Variants in CD47 observed in about 807,000 individuals in gnomAD.
CD47 encodes the protein CD47 molecule, also known as leukocyte surface antigen CD47.
CD47 carries 11 observed loss-of-function variants against 44.6 expected under a neutral mutation model. The observed-to-expected ratio is 0.25, with a 90% confidence interval of 0.16 to 0.41. The LOEUF (loss-of-function observed/expected upper bound fraction) is 0.41. CD47 is among the 10% of genes least tolerant of loss of function. The pLI is 1.00. For missense variants in CD47, 306 were observed against 386.7 expected, an observed-to-expected ratio of 0.79 and a Z score of 1.75; for synonymous variants, 140 against 136.3, an observed-to-expected ratio of 1.03 and a Z score of -0.19.
intron 1 of CD47, among the ~76,000 whole-genome samples, chr3:108,090,154 A>C (rs1196776847): frequency 6.6e-6 from 1 of 152,200 alleles, no homozygotes; most frequent in African/African-American, 2.4e-5. Flanking sequence ...GAAAAACTTC[A>C]ACGTACAATT....
chr3:108,062,085 T>A (rs75869932), intron 3 of CD47, among the ~76,000 whole-genome samples: 5,751 of 152,180 alleles, frequency 0.038, 129 homozygotes, highest in African/African-American at 0.064. Flanking sequence ...AATAACCAAT[T>A]TATTAATGTG....
chr3:108,079,998 A>G lies in CD47; in HGVS notation c.393T>C (p.Tyr131=), dbSNP rs779260327. 8 of 1,604,254 alleles carry G rather than the reference A, an allele frequency of 5.0e-6. No individual in the cohort carries two copies. The highest frequency in any genetic ancestry group is 1.7e-5 in the Admixed American group (1 of 59,122). ...REGETIIELK[Y]RVVSWFSPNE... ...CTTTCATAGAAGTCTTACCAACACG[A>G]TATTTTAGCTCGATGATCGTTTCAC... The change falls in exon 2 of 11, where the codon TAT becomes TAC. Residue 131 remains tyrosine, a synonymous_variant. Coordinates refer to ENST00000361309, the MANE Select transcript of CD47 (RefSeq NM_001777.4).
chr3:108,071,544 A>G (rs56087650), intron 2 of CD47, among the ~76,000 whole-genome samples: 22,325 of 152,184 alleles, frequency 0.15, 1,804 homozygotes, highest in Middle Eastern at 0.21. Flanking sequence ...CCACGTGTCA[A>G]CACCTCTTTG....
At chr3:108,090,823 G>T in intron 1 of CD47, 40 bp downstream of exon 1, 1 of 1,460,060 alleles carries the variant, frequency 6.8e-7, no homozygotes, top group Non-Finnish European at 9.0e-7. Context: ...CGGGGGCGAA[G>T]CGACAGCAGC....
Position 108,076,227 on chromosome 3 carries a change from G to C in CD47, c.400+3764C>G, listed in dbSNP as rs558328208. On this transcript the variant is annotated intron_variant, in intron 2 of 10. Transcript: ENST00000361309. ...TATTTGTAGTTGTTATGCAGCACTA[G>C]AAAACTAATACAAAGATCTTGCAAT... 3.3e-5 allele frequency among the ~76,000 whole-genome samples: 5 copies of C among 152,270 alleles called. No individual in the cohort carries two copies. In the South Asian group the frequency reaches 1.0e-3, roughly 32 times the overall value.
chr3:108,061,386 T>C (rs2079013861), intron 3 of CD47, among the ~76,000 whole-genome samples: 1 of 152,106 alleles, frequency 6.6e-6, no homozygotes, highest in South Asian at 2.1e-4. Flanking sequence ...AAAGAGAATT[T>C]TGTCCTACCT....
intron 1 of CD47, among the ~76,000 whole-genome samples, chr3:108,089,722 T>A (rs1198896860): frequency 6.6e-6 from 1 of 152,062 alleles, no homozygotes; most frequent in Non-Finnish European, 1.5e-5. Flanking sequence ...CTTAAGGGCA[T>A]CTTGGAAATA....
At chr3:108,088,388 G>C (rs1239331433) in intron 1 of CD47, among the ~76,000 whole-genome samples, 1 of 152,158 alleles carries the variant, frequency 6.6e-6, no homozygotes, top group African/African-American at 2.4e-5. Context: ...GACAGCATGA[G>C]CAAGTGTCCT....
At chr3:108,071,864 GCC>G (rs1378328304) in intron 2 of CD47, among the ~76,000 whole-genome samples, 3 of 152,102 alleles carry the variant, frequency 2.0e-5, no homozygotes, top group Non-Finnish European at 2.9e-5. Flanking sequence ...AGAGAGATGT[GCC>G]CGGTTGGTCT....
intron 5 of CD47, among the ~76,000 whole-genome samples, chr3:108,059,142 C>T (rs1280657817): frequency 6.6e-6 from 1 of 152,136 alleles, no homozygotes; most frequent in Admixed American, 6.5e-5. Flanking sequence ...CTGCGTTTAA[C>T]ATCCACTTAT....
chr3:108,072,533 T>C (rs1342658390), intron 2 of CD47, among the ~76,000 whole-genome samples: 2 of 152,224 alleles, frequency 1.3e-5, no homozygotes, highest in Non-Finnish European at 2.9e-5. Context: ...AGGGTTGCAA[T>C]GGTCATAAGA....
intron 7 of CD47, chr3:108,053,427 A>G (rs2078862372): frequency 2.0e-5 from 3 of 152,424 alleles, no homozygotes; most frequent in African/African-American, 7.2e-5. Flanking sequence ...AAGAAACAGA[A>G]AGGAGACAAG....
rs1225015059 is a variant in CD47 at position 108,090,932 on chromosome 3, C to T, written c.-24G>A. ...ATCTCCGCGCCCGCCGCGGGGTCGC[C>T]GCCGCCGCCGCAGGTGTCCGGAGCA... On this transcript the variant is annotated 5_prime_UTR_variant, in exon 1 of 11. Coordinates refer to ENST00000361309, the MANE Select transcript of CD47 (RefSeq NM_001777.4). 6.9e-7 allele frequency: 1 copy of T among 1,458,074 alleles called. No homozygotes were observed. Among genetic ancestry groups the T allele is most frequent in the African/African-American group, 1.5e-5 (1 of 67,272 alleles). 90.3% of individuals were successfully genotyped at this position (1,458,074 alleles called of 1,614,324 possible).
intron 3 of CD47, among the ~76,000 whole-genome samples, chr3:108,063,253 T>C (rs2079051119): frequency 6.6e-6 from 1 of 152,198 alleles, no homozygotes; most frequent in African/African-American, 2.4e-5. Context: ...AATACACATG[T>C]TGAGGATCCC....
chr3:108,065,193 A>G (rs1252758508), intron 3 of CD47, among the ~76,000 whole-genome samples: 1 of 152,208 alleles, frequency 6.6e-6, no homozygotes, highest in East Asian at 1.9e-4. Context: ...ACAGAGATAA[A>G]AGAGTCCAGG....
Position 108,091,014 on chromosome 3 carries a change from A to T in CD47, c.-106T>A, listed in dbSNP as rs1346471707. 1.4e-6 allele frequency: 1 copy of T among 731,684 alleles called. No homozygotes were observed. Among genetic ancestry groups the T allele is most frequent in the Admixed American group, 4.4e-5 (1 of 22,668 alleles). 45.3% of individuals were successfully genotyped at this position (731,684 alleles called of 1,614,324 possible). On this transcript the variant is annotated 5_prime_UTR_variant, in exon 1 of 11. Coordinates refer to ENST00000361309, the MANE Select transcript of CD47 (RefSeq NM_001777.4). ...ACCGCCGCCGCGCGTCACAGGCAGG[A>T]CCCACTGCCCAGGCTGCACGGCCGC...
chr3:108,057,664 C>T (rs709436), intron 6 of CD47, 95 bp from the exon 7 acceptor site: 651,101 of 652,076 alleles, frequency 1, 325,067 homozygotes, highest in East Asian at 1. Context: ...GTTATTCTAA[C>T]GATCAAAAAA....
chr3:108,060,630 C>A, intron 4 of CD47, 115 bp downstream of exon 4: 2 of 677,982 alleles, frequency 2.9e-6, no homozygotes, highest in South Asian at 3.5e-5. Context: ...ATTGTTTAAG[C>A]CACCCAGTTT....
Position 108,069,513 on chromosome 3 carries a change from T to G in CD47, c.490+1580A>C, listed in dbSNP as rs531165651. Among the ~76,000 whole-genome samples the G allele has an allele frequency of 1.0e-4, 6 of 57,896 alleles. No homozygotes were observed. The East Asian group carries it at 1.4e-3, about 13-fold the overall frequency. 38.0% of individuals were successfully genotyped at this position (57,896 alleles called of 152,430 possible). A position where few individuals can be genotyped will look rare whatever the true frequency, so the allele number is the denominator to read the frequency against. The stretch of plus-strand genomic sequence containing the variant: ...CTAGGTTTGGGGACTACAGATGAGT[T>G]TTTTTTTTTTTTTTTTAAATAACTC... On this transcript the variant is annotated intron_variant, in intron 3 of 10. Transcript: ENST00000361309.
Sources: gnomAD v4.1 joint callset for allele counts (sites outside exome capture counted in the v4.1 genomes callset) on GRCh38, gnomAD v4.1.1 for gene constraint, MANE v1.5 for transcripts, NCBI Gene and HGNC (gene_info 2026-07-23, HGNC 2026-07-21) for gene names.